Variants in BPHL observed in about 807,000 individuals in gnomAD.
The protein encoded by BPHL is biphenyl hydrolase like.
BPHL carries 27 observed loss-of-function variants against 31.2 expected under a neutral mutation model. That is an observed-to-expected ratio of 0.87 (90% CI 0.64 to 1.19). The LOEUF is 1.19. Among genes scored for constraint, BPHL ranks in the 50% most tolerant of loss-of-function variants. The pLI, the probability that BPHL is intolerant of heterozygous loss-of-function variation, is 0.00. For missense variants in BPHL, 356 were observed against 375.7 expected, an observed-to-expected ratio of 0.95 and a Z score of 0.43; for synonymous variants, 150 against 146.8, an observed-to-expected ratio of 1.02 and a Z score of -0.16.
chr6:3,119,696 A>G (rs938995693), intron 1 of BPHL, among the ~76,000 whole-genome samples: 8 of 152,240 alleles, frequency 5.3e-5, no homozygotes, highest in African/African-American at 1.2e-4. Context: ...TACACAGTGC[A>G]TGTGCGCAGT....
chr6:3,135,216 A>G (rs1444462722), intron 4 of BPHL, among the ~76,000 whole-genome samples: 1 of 152,236 alleles, frequency 6.6e-6, no homozygotes, highest in Non-Finnish European at 1.5e-5. Context: ...CAGCCTGTTA[A>G]TGGTCAACTC....
At chr6:3,127,829 T>A (rs917451317) in intron 3 of BPHL, among the ~76,000 whole-genome samples, 2 of 152,098 alleles carry the variant, frequency 1.3e-5, no homozygotes, top group African/African-American at 4.8e-5. Context: ...AATTTTCTTT[T>A]TTTTTTTTTG....
At chr6:3,119,583 A>G (rs1392166762) in intron 1 of BPHL, 1 of 1,587,394 alleles carries the variant, frequency 6.3e-7, no homozygotes, top group Non-Finnish European at 8.6e-7. Flanking sequence ...CTTGGTCCCA[A>G]GAGATACTGG....
At position 3,144,217 on chromosome 6, in the gene BPHL, A is replaced by G. The variant is rs556206608; in HGVS notation, c.788+3708A>G. Among the ~76,000 whole-genome samples, 576 of 151,510 alleles carry G rather than the reference A, an allele frequency of 3.8e-3. 2 individuals are homozygous for G. In the Middle Eastern group the frequency reaches 0.054, roughly 14 times the overall value. ...CGAGTAGCTGGGACTACAGGCGCCC[A>G]CCACCACGCCCGGCTAATTTTTTGT... On this transcript the variant is annotated intron_variant, in intron 6 of 6. Transcript: ENST00000380379.
Position 3,137,909 on chromosome 6 carries a change from A to C in BPHL, c.664+416A>C, listed in dbSNP as rs1762056635. The C allele has an allele frequency of 3.0e-5, 31 of 1,025,370 alleles. No homozygotes were observed. In the South Asian group the frequency reaches 4.2e-4, roughly 14 times the overall value. The allele number at this position is 1,025,370 out of a possible 1,614,324, so 63.5% of individuals were successfully genotyped here. A position where few individuals can be genotyped will look rare whatever the true frequency, so the allele number is the denominator to read the frequency against. On this transcript the variant is annotated intron_variant, in intron 5 of 6. Transcript: ENST00000380379. ...CATTTAGATGTGTCTCCCCACGAGGACACTGTTAATCTTTAATCTCAACGG... is the reference window on the plus strand; with the variant it reads ...CATTTAGATGTGTCTCCCCACGAGGCCACTGTTAATCTTTAATCTCAACGG...
chr6:3,130,737 C>T (rs545786404), intron 4 of BPHL, among the ~76,000 whole-genome samples: 2 of 152,236 alleles, frequency 1.3e-5, no homozygotes, highest in African/African-American at 2.4e-5. Flanking sequence ...TAGAATATCA[C>T]AAGTCTAGTC....
chr6:3,119,358 G>A (rs1761495415), intron 1 of BPHL: 1 of 1,568,070 alleles, frequency 6.4e-7, no homozygotes, highest in Non-Finnish European at 8.7e-7. Flanking sequence ...CTCTTTGCTT[G>A]CTGATCTCGT....
intron 6 of BPHL, among the ~76,000 whole-genome samples, chr6:3,146,543 GTGCT>G (rs1762375604): frequency 1.3e-4 from 1 of 7,852 alleles, no homozygotes; most frequent in African/African-American, 5.7e-4. Flanking sequence ...TTTGGGTCGA[GTGCT>G]GGTTTGGGTC....
rs1413319150 is a variant in BPHL, at chr6:3,140,875, A to G, written c.788+366A>G. On this transcript the variant is annotated intron_variant, in intron 6 of 6. Transcript: ENST00000380379. The surrounding 1 kb of genome is among the most constrained non-coding windows in gnomAD (Gnocchi z 5.2). ...TTCAGTTTAGTTTTTTATCATTATA[A>G]AAGCACTGACCACCCAATTTAAAAA... Among the ~76,000 whole-genome samples the G allele has an allele frequency of 6.6e-6, 1 of 152,234 alleles. No homozygotes were observed. The highest frequency in any genetic ancestry group is 1.5e-5 in the Non-Finnish European group (1 of 68,042).
chr6:3,142,124 TG>T (rs1762193735), intron 6 of BPHL, among the ~76,000 whole-genome samples: 2 of 151,792 alleles, frequency 1.3e-5, no homozygotes, highest in African/African-American at 4.8e-5. Flanking sequence ...TTTTTTTGTT[TG>T]TTTTTTTTTT....
intron 4 of BPHL, 55 bp from the exon 5 acceptor site, chr6:3,137,307 G>T (rs752575731): frequency 3.8e-6 from 6 of 1,595,614 alleles, no homozygotes; most frequent in African/African-American, 1.4e-5. Context: ...AATACTTAAA[G>T]ACAATACTTT....
At chr6:3,122,508 C>T (rs1761604284) in intron 1 of BPHL, among the ~76,000 whole-genome samples, 1 of 152,174 alleles carries the variant, frequency 6.6e-6, no homozygotes, top group African/African-American at 2.4e-5. Flanking sequence ...TATCCCAGGA[C>T]AGTCTGGCTG....
At chr6:3,145,152 G>A (rs1762295116) in intron 6 of BPHL, among the ~76,000 whole-genome samples, 1 of 140,650 alleles carries the variant, frequency 7.1e-6, no homozygotes, top group African/African-American at 2.7e-5. Flanking sequence ...GGTTTGGGTC[G>A]AGTGCTGGTT....
chr6:3,128,251 T>C (rs1033684737), intron 3 of BPHL, among the ~76,000 whole-genome samples: 19 of 152,316 alleles, frequency 1.2e-4, no homozygotes, highest in African/African-American at 3.4e-4. Flanking sequence ...ATAAACAGTA[T>C]TGTTGTGGAC....
At chr6:3,132,445 T>A (rs571433191) in intron 4 of BPHL, among the ~76,000 whole-genome samples, 1 of 152,216 alleles carries the variant, frequency 6.6e-6, no homozygotes, top group East Asian at 1.9e-4. Flanking sequence ...GCTCCCCTCT[T>A]ACCCTCACAC....
At chr6:3,135,685 C>T (rs140434266) in intron 4 of BPHL, among the ~76,000 whole-genome samples, 22 of 152,174 alleles carry the variant, frequency 1.4e-4, no homozygotes, top group African/African-American at 4.3e-4. Context: ...TGTCTCTCTG[C>T]GTGGTGTTCT....
intron 6 of BPHL, among the ~76,000 whole-genome samples, chr6:3,141,167 G>A (rs1462877777): frequency 3.3e-5 from 5 of 152,172 alleles, no homozygotes; most frequent in African/African-American, 1.2e-4. Context: ...AATGGATAGT[G>A]CTATATCCAT....
rs1761740605 is a variant in BPHL at position 3,127,232 on chromosome 6, C to T, written c.212-10C>T. 4 of 1,509,110 alleles carry T rather than the reference C, an allele frequency of 2.7e-6. No individual in the cohort carries two copies. 93.5% of individuals were successfully genotyped at this position (1,509,110 alleles called of 1,614,324 possible). A position where few individuals can be genotyped will look rare whatever the true frequency, so the allele number is the denominator to read the frequency against. On this transcript the variant is annotated splice_polypyrimidine_tract_variant and intron_variant, in intron 2 of 6. Coordinates refer to ENST00000380379, the MANE Select transcript of BPHL (RefSeq NM_004332.4). ...CGATCACCTGAGGGTAACCAAGTGG[C>T]TGTTTTTAGGAAGTGGAGAGACTGA...
At chr6:3,124,072 G>T (rs1378146315) in intron 2 of BPHL, 1 of 178,566 alleles carries the variant, frequency 5.6e-6, no homozygotes, top group African/African-American at 2.4e-5. Flanking sequence ...AAGGAGGAAC[G>T]TGAGTGGGTA....
Sources: allele counts gnomAD v4.1 joint callset (sites outside exome capture counted in the v4.1 genomes callset), GRCh38; gene constraint gnomAD v4.1.1; non-coding constraint Gnocchi (gnomAD v3.1); transcripts MANE v1.5; gene names NCBI Gene and HGNC (gene_info 2026-07-23, HGNC 2026-07-21).